KCNQ5: variants seen among roughly 807,000 people sequenced by gnomAD.
KCNQ5 encodes the protein potassium voltage-gated channel subfamily KQT member 5.
Under a neutral mutation model 98.2 loss-of-function variants are expected in KCNQ5, and 30 were observed. The ratio of observed to expected loss-of-function variants is 0.31; its 90% confidence interval spans 0.23 to 0.41. KCNQ5 has a LOEUF of 0.41. Among genes scored for constraint, KCNQ5 ranks in the 10% least tolerant of loss-of-function variants. The probability of loss-of-function intolerance (pLI) is 1.00; values close to 1 mark genes in which losing one functional copy is unlikely to be tolerated. For synonymous variants in KCNQ5, 458 were observed against 449.4 expected (o/e 1.02, Z -0.24); for missense variants, 835 against 1,182.5 (o/e 0.71, Z 4.31).
chr6:72,862,451 G>T (rs1249895978), intron 1 of KCNQ5, among the ~76,000 whole-genome samples: 2 of 152,120 alleles, frequency 1.3e-5, no homozygotes, highest in African/African-American at 2.4e-5. Context: ...CTTTCCTGCT[G>T]TCTCTTTTTT....
At chr6:72,760,057 C>T (rs946178398) in intron 1 of KCNQ5, among the ~76,000 whole-genome samples, 1 of 152,144 alleles carries the variant, frequency 6.6e-6, no homozygotes, top group Non-Finnish European at 1.5e-5. Context: ...TTCAGCATTT[C>T]TTCCCCAGGA....
rs1204079753 is a variant in KCNQ5 at position 72,972,502 on chromosome 6, C to T, written c.399-31406C>T. ...CTAAGTTTTCTCCCCTCACCCCCTA[C>T]CCCCCAACAAGCCCTGGTGTGTGCT... On this transcript the variant is annotated intron_variant, in intron 1 of 13. Transcript: ENST00000370398. Among the ~76,000 whole-genome samples the T allele has an allele frequency of 4.0e-5, 6 of 150,438 alleles. No homozygotes were observed. The East Asian group carries it at 5.9e-4, about 15-fold the overall frequency.
At chr6:73,106,325 G>A (rs1190686208) in intron 6 of KCNQ5, among the ~76,000 whole-genome samples, 1 of 152,180 alleles carries the variant, frequency 6.6e-6, no homozygotes, top group African/African-American at 2.4e-5. Context: ...AAAAGGCCAT[G>A]CATATGCTTG....
At chr6:73,157,361 G>A (rs1777404848) in intron 10 of KCNQ5, among the ~76,000 whole-genome samples, 2 of 152,278 alleles carry the variant, frequency 1.3e-5, no homozygotes, top group Admixed American at 6.5e-5. Context: ...AAACAGGAAG[G>A]AGTCCACTGT....
chr6:72,721,548 C>A (rs1159336138), intron 1 of KCNQ5, among the ~76,000 whole-genome samples: 1 of 152,112 alleles, frequency 6.6e-6, no homozygotes, highest in Non-Finnish European at 1.5e-5. Flanking sequence ...TCAGAATCAT[C>A]TGTGGGGATT....
chr6:72,622,679 C>T lies in KCNQ5; in HGVS notation c.398+92C>T. On this transcript the variant is annotated intron_variant, in intron 1 of 13. Transcript: ENST00000370398. This position sits in a 1 kb window ranked among gnomAD's most constrained non-coding sequence, Gnocchi z 6.0. ...CTCCGCGCTCGCGCCCTTGGGCCCCCGCGCGCGTGCACACGTGGTGGCTTT... is the reference window on the plus strand; with the variant it reads ...CTCCGCGCTCGCGCCCTTGGGCCCCTGCGCGCGTGCACACGTGGTGGCTTT... 3 of 1,426,722 alleles carry T rather than the reference C, an allele frequency of 2.1e-6. No individual in the cohort carries two copies. The highest frequency in any genetic ancestry group is 1.3e-5 in the South Asian group (1 of 79,770). 88.4% of individuals were successfully genotyped at this position (1,426,722 alleles called of 1,614,324 possible).
chr6:73,066,225 G>A (rs1243243052), intron 3 of KCNQ5, among the ~76,000 whole-genome samples: 1 of 152,134 alleles, frequency 6.6e-6, no homozygotes, highest in African/African-American at 2.4e-5. Context: ...CCATTTGCAA[G>A]TAGTTATATT....
At chr6:73,098,881 A>G (rs990232476) in intron 5 of KCNQ5, among the ~76,000 whole-genome samples, 8 of 152,216 alleles carry the variant, frequency 5.3e-5, no homozygotes, top group African/African-American at 1.9e-4. Context: ...TGTGCTAATT[A>G]TTTATATTTT....
chr6:73,177,524 C>T (rs1229977162), intron 11 of KCNQ5, among the ~76,000 whole-genome samples: 1 of 152,156 alleles, frequency 6.6e-6, no homozygotes, highest in Non-Finnish European at 1.5e-5. Context: ...CTTGACCATC[C>T]CTAAAATGCA....
intron 1 of KCNQ5, among the ~76,000 whole-genome samples, chr6:72,734,105 T>C (rs1179187611): frequency 6.6e-6 from 1 of 152,204 alleles, no homozygotes; most frequent in Non-Finnish European, 1.5e-5. Flanking sequence ...TGGGATGGGC[T>C]TGAGATTAGA....
intron 3 of KCNQ5, among the ~76,000 whole-genome samples, chr6:73,076,107 CT>C (rs1269691493): frequency 6.6e-6 from 1 of 152,112 alleles, no homozygotes; most frequent in Non-Finnish European, 1.5e-5. Context: ...CTGACCCCCC[CT>C]CTCTCTCAAA....
chr6:73,176,631 G>A (rs1266052399), intron 11 of KCNQ5, among the ~76,000 whole-genome samples: 2 of 152,182 alleles, frequency 1.3e-5, no homozygotes, highest in African/African-American at 4.8e-5. Flanking sequence ...GCCTGAGCTG[G>A]GCAGTCATGA....
chr6:73,000,675 C>T (rs1280072929), intron 1 of KCNQ5, among the ~76,000 whole-genome samples: 2 of 152,172 alleles, frequency 1.3e-5, no homozygotes, highest in East Asian at 1.9e-4. Flanking sequence ...CCCCAATTTA[C>T]AGCATCCCTT....
chr6:73,142,617 G>A (rs564351422), intron 10 of KCNQ5, among the ~76,000 whole-genome samples: 1 of 152,200 alleles, frequency 6.6e-6, no homozygotes, highest in East Asian at 1.9e-4. Context: ...GCAGCAACAA[G>A]TTAAATAAAA....
intron 1 of KCNQ5, chr6:72,987,751 A>T: frequency 4.1e-6 from 2 of 492,284 alleles, no homozygotes; most frequent in Non-Finnish European, 7.5e-6. Context: ...GGAAGATTAA[A>T]CTCTAGAGTT....
At chr6:72,982,971 TTTTC>T (rs1768545635) in intron 1 of KCNQ5, among the ~76,000 whole-genome samples, 1 of 152,244 alleles carries the variant, frequency 6.6e-6, no homozygotes, top group South Asian at 2.1e-4. Context: ...TTGAAAATTC[TTTTC>T]TTTAAGAATA....
At chr6:72,906,246 T>C (rs1779696275) in intron 1 of KCNQ5, among the ~76,000 whole-genome samples, 1 of 152,174 alleles carries the variant, frequency 6.6e-6, no homozygotes, top group South Asian at 2.1e-4. Context: ...AATCCCACCA[T>C]GCCCCTGCTA....
At chr6:73,090,067 A>G (rs547385967) in intron 5 of KCNQ5, among the ~76,000 whole-genome samples, 1 of 152,042 alleles carries the variant, frequency 6.6e-6, no homozygotes, top group Non-Finnish European at 1.5e-5. Flanking sequence ...ATCTCCACCA[A>G]CATCTACTAT....
intron 5 of KCNQ5, among the ~76,000 whole-genome samples, chr6:73,102,992 T>C (rs1774851075): frequency 6.6e-6 from 1 of 152,188 alleles, no homozygotes; most frequent in Non-Finnish European, 1.5e-5. Context: ...ATCAAAGAGA[T>C]ATCTGCACTC....
Sources: gnomAD v4.1 joint callset for allele counts (sites outside exome capture counted in the v4.1 genomes callset) on GRCh38, gnomAD v4.1.1 for gene constraint, Gnocchi (gnomAD v3.1) non-coding constraint, MANE v1.5 for transcripts, NCBI Gene and HGNC (gene_info 2026-07-23, HGNC 2026-07-21) for gene names.